Variants in CDH12 observed in about 807,000 individuals in gnomAD.
CDH12 encodes the protein cadherin 12.
CDH12 carries 41 observed loss-of-function variants against 74.1 expected under a neutral mutation model. The ratio of observed to expected loss-of-function variants is 0.55; its 90% CI spans 0.43 to 0.72. CDH12 has a LOEUF of 0.72. CDH12 is among the 30% of genes least tolerant of loss of function. CDH12 has a pLI of 0.00. For missense variants in CDH12, 945 were observed against 977.2 expected (o/e 0.97, Z 0.44); for synonymous variants, 399 against 355.0 (o/e 1.12, Z -1.39).
chr5:21,874,445 G>A (rs1214164556), intron 6 of CDH12, among the ~76,000 whole-genome samples: 1 of 152,280 alleles, frequency 6.6e-6, no homozygotes, highest in Admixed American at 6.5e-5. Context: ...AGTAAAGAGA[G>A]CTCACTAAAA....
chr5:22,384,156 A>C (rs924588815), intron 3 of CDH12, among the ~76,000 whole-genome samples: 10 of 152,124 alleles, frequency 6.6e-5, no homozygotes, highest in Non-Finnish European at 1.2e-4. Flanking sequence ...TTCTAAGGAA[A>C]CTTTGCTCTG....
intron 3 of CDH12, among the ~76,000 whole-genome samples, chr5:22,354,858 T>C (rs1308415531): frequency 6.6e-6 from 1 of 152,210 alleles, no homozygotes; most frequent in Non-Finnish European, 1.5e-5. Flanking sequence ...GTTTATAATT[T>C]TCAAACAGTT....
rs566268406 is a variant in CDH12 at position 21,806,191 on chromosome 5, G to T, written c.1003-3771C>A. Among the ~76,000 whole-genome samples the T allele has an allele frequency of 2.6e-5, 4 of 152,208 alleles. No homozygotes were observed. In the East Asian group the frequency reaches 7.7e-4, roughly 29 times the overall value. On this transcript the variant is annotated intron_variant, in intron 9 of 14. Coordinates refer to ENST00000382254, the MANE Select transcript of CDH12 (RefSeq NM_004061.5). ...AAATAAAAAATATTTTACCCCCCAAGATATTTCTCTGATGTATTTTGAAAT... is the reference window on the plus strand; with the variant it reads ...AAATAAAAAATATTTTACCCCCCAATATATTTCTCTGATGTATTTTGAAAT...
At chr5:22,572,692 A>G (rs1046001440) in intron 1 of CDH12, among the ~76,000 whole-genome samples, 1 of 152,174 alleles carries the variant, frequency 6.6e-6, no homozygotes, top group Non-Finnish European at 1.5e-5. Flanking sequence ...TTGAATACTG[A>G]AAGGGCTAAA....
chr5:21,767,583 T>G (rs759337506), intron 11 of CDH12, among the ~76,000 whole-genome samples: 4 of 151,682 alleles, frequency 2.6e-5, no homozygotes, highest in Non-Finnish European at 5.9e-5. Flanking sequence ...TAGAAATATC[T>G]AATTTAGAAA....
At chr5:22,319,904 C>G (rs1272459012) in intron 3 of CDH12, among the ~76,000 whole-genome samples, 2 of 151,624 alleles carry the variant, frequency 1.3e-5, no homozygotes, top group African/African-American at 4.9e-5. Context: ...GGAAGAGAAA[C>G]AGAGGAAGAG....
At chr5:21,804,644 ACACACAC>A (rs1747328717) in intron 9 of CDH12, among the ~76,000 whole-genome samples, 1 of 56,428 alleles carries the variant, frequency 1.8e-5, no homozygotes, top group East Asian at 6.5e-4. Flanking sequence ...GTGAATTAAA[ACACACAC>A]ACACACACAC....
At chr5:22,146,328 C>T (rs1580320521) in intron 4 of CDH12, among the ~76,000 whole-genome samples, 2 of 152,084 alleles carry the variant, frequency 1.3e-5, no homozygotes, top group African/African-American at 2.4e-5. Flanking sequence ...CTTTTAACAA[C>T]GGGGTCATGA....
chr5:22,439,421 G>A (rs1326553679), intron 2 of CDH12, among the ~76,000 whole-genome samples: 1 of 152,122 alleles, frequency 6.6e-6, no homozygotes, highest in East Asian at 1.9e-4. Flanking sequence ...ACCCATAAAT[G>A]TCACCAATTT....
intron 8 of CDH12, among the ~76,000 whole-genome samples, chr5:21,833,982 G>A (rs1350126280): frequency 6.6e-6 from 1 of 151,852 alleles, no homozygotes; most frequent in Non-Finnish European, 1.5e-5. Context: ...TAAATTAGAT[G>A]TGTTTATTCT....
At chr5:22,413,485 T>C (rs980549303) in intron 2 of CDH12, among the ~76,000 whole-genome samples, 1 of 151,848 alleles carries the variant, frequency 6.6e-6, no homozygotes, top group African/African-American at 2.4e-5. Context: ...AAGTTATGAG[T>C]GACTATTTTT....
intron 3 of CDH12, among the ~76,000 whole-genome samples, chr5:22,213,038 T>G (rs932128872): frequency 9.2e-5 from 14 of 152,156 alleles, no homozygotes; most frequent in Non-Finnish European, 1.5e-5. Context: ...GTGTAAGATA[T>G]TAGGTACAGT....
At chr5:22,045,389 T>C (rs1437578010) in intron 5 of CDH12, among the ~76,000 whole-genome samples, 1 of 152,024 alleles carries the variant, frequency 6.6e-6, no homozygotes, top group Non-Finnish European at 1.5e-5. Context: ...GCTTCTTAAA[T>C]AAATAAAAAT....
intron 1 of CDH12, among the ~76,000 whole-genome samples, chr5:22,718,780 A>C (rs970226353): frequency 2.0e-5 from 3 of 151,800 alleles, no homozygotes; most frequent in Non-Finnish European, 2.9e-5. Context: ...AGACACTAAA[A>C]CCTCCAGTGA....
chr5:22,686,929 C>T (rs1304096631), intron 1 of CDH12, among the ~76,000 whole-genome samples: 1 of 152,148 alleles, frequency 6.6e-6, no homozygotes, highest in Admixed American at 6.5e-5. Flanking sequence ...ATCCCTCTGC[C>T]TCAAAAGTTG....
chr5:21,950,335 T>C lies in CDH12; in HGVS notation c.526+24756A>G, dbSNP rs186681642. Among the ~76,000 whole-genome samples, 24 of 152,294 alleles carry C rather than the reference T, an allele frequency of 1.6e-4. 1 individual carries two copies. The East Asian group carries it at 4.6e-3, about 29-fold the overall frequency. On this transcript the variant is annotated intron_variant, in intron 6 of 14. Coordinates refer to ENST00000382254, the MANE Select transcript of CDH12 (RefSeq NM_004061.5). ...ATTTTTGTCATTAAGTGATGCAACA[T>C]TGTATTTAAAAACACTATAAATAAA...
intron 5 of CDH12, among the ~76,000 whole-genome samples, chr5:22,069,326 G>A (rs559604388): frequency 1.3e-5 from 2 of 152,244 alleles, no homozygotes; most frequent in African/African-American, 4.8e-5. Flanking sequence ...CTAGATAGGT[G>A]CCAATCCCTT....
In CDH12 at chr5:21,965,613, T is replaced by G. The variant is rs938052001; in HGVS notation, c.526+9478A>C. ...GACTCTGATTTTTTTTTTTTTAATT[T>G]TCAAGTGTCAGTTTCTTGGTCGGGA... On this transcript the variant is annotated intron_variant, in intron 6 of 14. Coordinates refer to ENST00000382254, the MANE Select transcript of CDH12 (RefSeq NM_004061.5). Among the ~76,000 whole-genome samples, 23 of 151,982 alleles carry G rather than the reference T, an allele frequency of 1.5e-4. No homozygotes were observed. The South Asian group carries it at 2.5e-3, about 16-fold the overall frequency.
At chr5:22,208,942 CA>C (rs1751379396) in intron 4 of CDH12, among the ~76,000 whole-genome samples, 1 of 152,306 alleles carries the variant, frequency 6.6e-6, no homozygotes, top group East Asian at 1.9e-4. Flanking sequence ...CGTTTTCCAA[CA>C]ACCTAGAGAA....
Sources: allele counts gnomAD v4.1 joint callset (sites outside exome capture counted in the v4.1 genomes callset), GRCh38; gene constraint gnomAD v4.1.1; transcripts MANE v1.5; gene names NCBI Gene and HGNC (gene_info 2026-07-23, HGNC 2026-07-21).